RIMS1: variants seen among roughly 807,000 people sequenced by gnomAD.
RIMS1 encodes the protein regulating synaptic membrane exocytosis 1, also known as regulating synaptic membrane exocytosis protein 1.
RIMS1 carries 83 observed loss-of-function variants against 214.1 expected under a neutral mutation model. That is an observed-to-expected ratio of 0.39 (90% CI 0.32 to 0.47). The LOEUF is 0.47. Among genes scored for constraint, RIMS1 ranks in the 20% least tolerant of loss-of-function variants. The pLI is 0.99. For synonymous variants in RIMS1, 793 were observed against 786.8 expected, an observed-to-expected ratio of 1.01 and a Z score of -0.13; for missense variants, 2,050 against 2,161.8, an observed-to-expected ratio of 0.95 and a Z score of 1.03.
intron 6 of RIMS1, among the ~76,000 whole-genome samples, chr6:72,205,796 C>T (rs574827451): frequency 6.6e-6 from 1 of 152,114 alleles, no homozygotes; most frequent in East Asian, 1.9e-4. Context: ...AATATAAACA[C>T]TGGAAGTCAG....
At chr6:72,052,119 A>C (rs1230742739) in intron 2 of RIMS1, among the ~76,000 whole-genome samples, 1 of 152,232 alleles carries the variant, frequency 6.6e-6, no homozygotes, top group African/African-American at 2.4e-5. Context: ...AACTGTATTG[A>C]GTCCTCTGGA....
chr6:72,290,368 A>G (rs565320264), intron 24 of RIMS1, among the ~76,000 whole-genome samples: 2 of 152,260 alleles, frequency 1.3e-5, no homozygotes, highest in African/African-American at 4.8e-5. Context: ...AGCACTTGAG[A>G]TACAGCTCTA....
At chr6:72,020,038 C>T (rs1214370411) in intron 2 of RIMS1, among the ~76,000 whole-genome samples, 1 of 152,182 alleles carries the variant, frequency 6.6e-6, no homozygotes, top group Admixed American at 6.5e-5. Context: ...GGTTCAAATC[C>T]TGCTCTGTCA....
rs761135970 is a variant in RIMS1 at position 72,242,296 on chromosome 6, C to CT, written c.1958-10dup. On this transcript the variant is annotated splice_polypyrimidine_tract_variant and intron_variant, in intron 9 of 33. Transcript: ENST00000521978. The stretch of plus-strand genomic sequence containing the variant: ...AGAATATATAAGGTAAAAAAATACC[C>CT]TTTTTTTTAAATTCAAGGGGATGAA... 86 of 1,522,050 alleles carry CT rather than the reference C, an allele frequency of 5.7e-5. No individual in the cohort carries two copies. The highest frequency in any genetic ancestry group is 4.4e-4 in the Middle Eastern group (2 of 4,518). 94.3% of individuals were successfully genotyped at this position (1,522,050 alleles called of 1,614,324 possible).
intron 4 of RIMS1, among the ~76,000 whole-genome samples, chr6:72,109,796 T>C (rs1319800742): frequency 6.6e-6 from 1 of 152,182 alleles, no homozygotes. Flanking sequence ...TCCTGAATGG[T>C]AATGCCTAGG....
At chr6:72,063,373 G>C (rs902309947) in intron 2 of RIMS1, among the ~76,000 whole-genome samples, 5 of 152,198 alleles carry the variant, frequency 3.3e-5, no homozygotes, top group Non-Finnish European at 7.3e-5. Flanking sequence ...GGGAACGTGG[G>C]AGGGACACCA....
intron 6 of RIMS1, 92 bp downstream of exon 6, chr6:72,183,241 A>T: frequency 1.5e-6 from 2 of 1,317,306 alleles, no homozygotes; most frequent in Non-Finnish European, 2.1e-6. Flanking sequence ...TGGGTTCAGC[A>T]TTGAGGCTGG....
rs573653126 is a variant in RIMS1, at chr6:72,280,519, C to A, written c.3483-3528C>A. Among the ~76,000 whole-genome samples, 4 of 151,972 alleles carry A rather than the reference C, an allele frequency of 2.6e-5. No individual in the cohort carries two copies. The East Asian group carries it at 5.8e-4, about 22-fold the overall frequency. On this transcript the variant is annotated intron_variant, in intron 23 of 33. Coordinates refer to ENST00000521978, the MANE Select transcript of RIMS1 (RefSeq NM_014989.7). ...TCTGCTCCTTTACAGAAAATTATTGCAATTAAGTGCATATCATTTTAACTT... is the reference window on the plus strand; with the variant it reads ...TCTGCTCCTTTACAGAAAATTATTGAAATTAAGTGCATATCATTTTAACTT...
chr6:72,171,360 A>G (rs73530645), intron 4 of RIMS1, among the ~76,000 whole-genome samples: 1,511 of 123,826 alleles, frequency 0.012, 25 homozygotes, highest in African/African-American at 0.043. Context: ...GTGTGTGTGT[A>G]TATATATATA....
At chr6:72,266,872 C>G (rs577619909) in intron 22 of RIMS1, among the ~76,000 whole-genome samples, 2 of 151,992 alleles carry the variant, frequency 1.3e-5, no homozygotes, top group African/African-American at 4.8e-5. Flanking sequence ...CATACTACCT[C>G]TTTACAAATC....
At chr6:71,961,382 C>T (rs1379095393) in intron 1 of RIMS1, among the ~76,000 whole-genome samples, 1 of 151,674 alleles carries the variant, frequency 6.6e-6, no homozygotes, top group African/African-American at 2.4e-5. Flanking sequence ...CGCTTGCTTC[C>T]ACTTCCCCTT....
At chr6:72,030,896 C>T (rs1054514142) in intron 2 of RIMS1, among the ~76,000 whole-genome samples, 7 of 152,176 alleles carry the variant, frequency 4.6e-5, no homozygotes, top group South Asian at 2.1e-4. Flanking sequence ...TTAGGAAAGA[C>T]GGCACACAAA....
At chr6:72,383,389 A>T (rs2154426305) in intron 29 of RIMS1, among the ~76,000 whole-genome samples, 1 of 152,218 alleles carries the variant, frequency 6.6e-6, no homozygotes, top group African/African-American at 2.4e-5. Flanking sequence ...TAAAGGACAA[A>T]ATGAACAAGT....
chr6:72,341,159 T>C (rs1274885462), intron 29 of RIMS1, among the ~76,000 whole-genome samples: 4 of 151,976 alleles, frequency 2.6e-5, no homozygotes, highest in Non-Finnish European at 5.9e-5. Flanking sequence ...GCTGAAGTTG[T>C]TTACAGCTTA....
intron 10 of RIMS1, among the ~76,000 whole-genome samples, chr6:72,244,804 G>C (rs1398122118): frequency 6.6e-6 from 1 of 151,776 alleles, no homozygotes; most frequent in South Asian, 2.1e-4. Context: ...CAACTGCAGA[G>C]AACAAACAGG....
intron 4 of RIMS1, among the ~76,000 whole-genome samples, chr6:72,175,605 G>A (rs1320884806): frequency 1.3e-5 from 2 of 152,042 alleles, no homozygotes; most frequent in African/African-American, 2.4e-5. Context: ...CCCAAGAGGC[G>A]GAGGTTGCAG....
intron 4 of RIMS1, among the ~76,000 whole-genome samples, chr6:72,139,064 A>G (rs1244898100): frequency 6.6e-6 from 1 of 152,244 alleles, no homozygotes; most frequent in Non-Finnish European, 1.5e-5. Flanking sequence ...ATATATATGT[A>G]GATACACACA....
At chr6:72,123,999 A>G (rs2038976140) in intron 4 of RIMS1, among the ~76,000 whole-genome samples, 1 of 151,756 alleles carries the variant, frequency 6.6e-6, no homozygotes, top group Non-Finnish European at 1.5e-5. Context: ...TTATGTGTGA[A>G]TTTGATCCTG....
chr6:72,108,308 T>G (rs1051246577), intron 4 of RIMS1, among the ~76,000 whole-genome samples: 1 of 152,166 alleles, frequency 6.6e-6, no homozygotes, highest in African/African-American at 2.4e-5. Flanking sequence ...CAGGCTGGTT[T>G]GGAACTTGTG....
Sources: allele counts gnomAD v4.1 joint callset (sites outside exome capture counted in the v4.1 genomes callset), GRCh38; gene constraint gnomAD v4.1.1; transcripts MANE v1.5; gene names NCBI Gene and HGNC (gene_info 2026-07-23, HGNC 2026-07-21).